SORCS1: variants seen among roughly 807,000 people sequenced by gnomAD.
SORCS1 encodes VPS10 domain-containing receptor SorCS1.
SORCS1 carries 60 observed loss-of-function variants against 146.1 expected under a neutral mutation model. That is an observed-to-expected ratio of 0.41 (90% CI 0.33 to 0.51). The LOEUF is 0.51. Among genes scored for constraint, SORCS1 ranks in the 20% least tolerant of loss-of-function variants. The pLI is 0.21. For synonymous variants in SORCS1, 637 were observed against 584.0 expected (o/e 1.09, Z -1.31); for missense variants, 1,352 against 1,487.6 (o/e 0.91, Z 1.50).
intron 1 of SORCS1, among the ~76,000 whole-genome samples, chr10:107,100,515 A>G (rs75456253): frequency 1.4e-5 from 2 of 146,922 alleles, no homozygotes; most frequent in African/African-American, 4.9e-5. Flanking sequence ...CTCCGCCTCA[A>G]AAAAAAAAAA....
At chr10:106,852,609 C>T (rs1279944394) in intron 2 of SORCS1, among the ~76,000 whole-genome samples, 1 of 119,080 alleles carries the variant, frequency 8.4e-6, no homozygotes, top group Non-Finnish European at 1.6e-5. Context: ...GCCTGGGTGA[C>T]AGAGCGAGAC....
rs553873275 is a variant in SORCS1, at chr10:107,059,481, T to C, written c.559-102901A>G. Reference sequence around the variant, plus strand: ...ATCTCTGGTTGAGACAAAGGCTCTATGCTGCCTGGTAACTGCCCAGATGAC... The same window carrying C: ...ATCTCTGGTTGAGACAAAGGCTCTACGCTGCCTGGTAACTGCCCAGATGAC... On this transcript the variant is annotated intron_variant, in intron 1 of 25. Transcript: ENST00000263054. Among the ~76,000 whole-genome samples, 23 of 152,346 alleles carry C rather than the reference T, an allele frequency of 1.5e-4. No individual in the cohort carries two copies. In the South Asian group the frequency reaches 3.3e-3, roughly 22 times the overall value.
chr10:106,582,158 CAT>C (rs1554868647), intron 24 of SORCS1, among the ~76,000 whole-genome samples: 13 of 152,104 alleles, frequency 8.5e-5, no homozygotes, highest in African/African-American at 2.2e-4. Flanking sequence ...CACACACACA[CAT>C]GAACCTTTTC....
intron 5 of SORCS1, among the ~76,000 whole-genome samples, chr10:106,759,080 C>A (rs1231153529): frequency 6.6e-6 from 1 of 152,184 alleles, no homozygotes; most frequent in Non-Finnish European, 1.5e-5. Flanking sequence ...GCTTTCAACT[C>A]CCACAGGGGT....
chr10:106,884,803 A>G (rs1015067609), intron 2 of SORCS1, among the ~76,000 whole-genome samples: 5 of 152,196 alleles, frequency 3.3e-5, no homozygotes, highest in African/African-American at 1.2e-4. Context: ...ATTTTTTTTC[A>G]TACTAAAAAG....
At chr10:106,580,732 T>C (rs752992771) in intron 24 of SORCS1, among the ~76,000 whole-genome samples, 2 of 152,216 alleles carry the variant, frequency 1.3e-5, no homozygotes, top group Non-Finnish European at 2.9e-5. Flanking sequence ...CAGACAAGAC[T>C]CTCAGTTGCT....
chr10:106,654,221 T>C (rs2135286034), intron 17 of SORCS1, among the ~76,000 whole-genome samples: 2 of 152,358 alleles, frequency 1.3e-5, no homozygotes, highest in Admixed American at 1.3e-4. Context: ...CTAGTTATTG[T>C]GCTAAGTTCT....
intron 1 of SORCS1, among the ~76,000 whole-genome samples, chr10:107,144,540 A>G (rs538216488): frequency 1.3e-5 from 2 of 152,370 alleles, no homozygotes; most frequent in African/African-American, 2.4e-5. Flanking sequence ...CTCATCATAT[A>G]CAAGGCATAT....
chr10:106,785,409 G>A (rs1175063268), intron 3 of SORCS1, among the ~76,000 whole-genome samples: 1 of 152,080 alleles, frequency 6.6e-6, no homozygotes, highest in Non-Finnish European at 1.5e-5. Context: ...AGATCTCACT[G>A]GGTTTTTGGT....
At chr10:106,664,760 G>A (rs1025206220) in intron 17 of SORCS1, among the ~76,000 whole-genome samples, 1 of 151,982 alleles carries the variant, frequency 6.6e-6, no homozygotes, top group Non-Finnish European at 1.5e-5. Flanking sequence ...CTGTGTTTCA[G>A]CCTCCTATCA....
chr10:106,998,339 T>C (rs1179413849), intron 1 of SORCS1, among the ~76,000 whole-genome samples: 2 of 152,224 alleles, frequency 1.3e-5, no homozygotes, highest in Non-Finnish European at 2.9e-5. Context: ...ACTAGGGTCA[T>C]TCACGATGGC....
intron 1 of SORCS1, among the ~76,000 whole-genome samples, chr10:106,977,606 T>TA (rs1554901978): frequency 2.6e-4 from 39 of 150,260 alleles, no homozygotes; most frequent in South Asian, 8.4e-4. Context: ...TTTTTTTTTT[T>TA]AATTTGTTCC....
chr10:107,140,743 A>G (rs1161026046), intron 1 of SORCS1, among the ~76,000 whole-genome samples: 1 of 152,228 alleles, frequency 6.6e-6, no homozygotes, highest in East Asian at 1.9e-4. Flanking sequence ...ATATCCCAAC[A>G]TATAACACAC....
intron 2 of SORCS1, among the ~76,000 whole-genome samples, chr10:106,951,423 T>C (rs1283638233): frequency 6.8e-6 from 1 of 147,150 alleles, no homozygotes; most frequent in Non-Finnish European, 1.5e-5. Context: ...AGCAAGAGAA[T>C]GGCGGGTGAA....
intron 3 of SORCS1, among the ~76,000 whole-genome samples, chr10:106,817,860 G>T (rs754698652): frequency 1.3e-5 from 2 of 152,202 alleles, no homozygotes; most frequent in Non-Finnish European, 2.9e-5. Context: ...TGAATGTCAT[G>T]ACTTTGTGTT....
intron 2 of SORCS1, among the ~76,000 whole-genome samples, chr10:106,897,004 C>T (rs1057507718): frequency 6.7e-6 from 1 of 149,872 alleles, no homozygotes; most frequent in East Asian, 2.0e-4. Context: ...CATTCTCCTG[C>T]CTCAGCCTCC....
intron 2 of SORCS1, among the ~76,000 whole-genome samples, chr10:106,836,638 T>C (rs1948802962): frequency 6.6e-6 from 1 of 151,982 alleles, no homozygotes; most frequent in African/African-American, 2.4e-5. Flanking sequence ...AAAAGAAACA[T>C]TAACTAAAAC....
chr10:106,754,347 G>C (rs1361253), intron 5 of SORCS1, among the ~76,000 whole-genome samples: 30,992 of 152,144 alleles, frequency 0.2, 3,779 homozygotes, highest in East Asian at 0.47. Context: ...ATGATGGGGA[G>C]AGATCAAGCT....
chr10:107,154,008 C>CT (rs71025579), intron 1 of SORCS1, among the ~76,000 whole-genome samples: 1,585 of 94,016 alleles, frequency 0.017, 57 homozygotes, highest in African/African-American at 0.035. Flanking sequence ...CTTTTCTTTT[C>CT]TTTTTTTTTT....
Sources: allele counts gnomAD v4.1 joint callset (sites outside exome capture counted in the v4.1 genomes callset), GRCh38; gene constraint gnomAD v4.1.1; transcripts MANE v1.5; gene names NCBI Gene and HGNC (gene_info 2026-07-23, HGNC 2026-07-21).